Variants in PCDH15 observed in about 807,000 individuals in gnomAD.
The protein encoded by PCDH15 is protocadherin related 15.
A neutral mutation model predicts 178.5 loss-of-function variants in PCDH15; 129 were observed. The ratio of observed to expected loss-of-function variants is 0.72; its 90% CI spans 0.63 to 0.84. The LOEUF (loss-of-function observed/expected upper bound fraction) is 0.84. Among genes scored for constraint, PCDH15 ranks in the 40% least tolerant of loss-of-function variants. The probability of loss-of-function intolerance (pLI) is 0.00; values close to 1 mark genes in which losing one functional copy is unlikely to be tolerated. For synonymous variants in PCDH15, 800 were observed against 732.0 expected, an observed-to-expected ratio of 1.09 and a Z score of -1.50; for missense variants, 2,230 against 2,099.9, an observed-to-expected ratio of 1.06 and a Z score of -1.21.
intron 3 of PCDH15, among the ~76,000 whole-genome samples, chr10:54,827,049 T>C (rs1444288348): frequency 6.6e-6 from 1 of 152,084 alleles, no homozygotes; most frequent in Non-Finnish European, 1.5e-5. Flanking sequence ...GCCAGGAACC[T>C]GGTTCCAAGT....
intron 27 of PCDH15, among the ~76,000 whole-genome samples, chr10:53,860,394 A>T (rs1435063421): frequency 6.6e-6 from 1 of 152,112 alleles, no homozygotes; most frequent in Non-Finnish European, 1.5e-5. Context: ...AATTTGAAGG[A>T]TAGTCACTGC....
At position 54,062,535 on chromosome 10, in the gene PCDH15, T is replaced by C. The variant is rs189382886; in HGVS notation, c.2220+4222A>G. ...AAATTCCATCCTATAAACATTACAC[T>C]GTGCAGAATCAGTTAGATGCAGCCT... On this transcript the variant is annotated intron_variant, in intron 18 of 37. Transcript: ENST00000644397. 2.4e-4 allele frequency among the ~76,000 whole-genome samples: 36 copies of C among 152,274 alleles called. No individual in the cohort carries two copies. The East Asian group carries it at 6.9e-3, about 29-fold the overall frequency.
chr10:53,962,780 T>C (rs774414838), intron 21 of PCDH15, among the ~76,000 whole-genome samples: 11 of 152,204 alleles, frequency 7.2e-5, no homozygotes, highest in Non-Finnish European at 1.3e-4. Context: ...ATCAAAGTGA[T>C]TGTAAAGGAA....
intron 19 of PCDH15, 95 bp from the exon 20 acceptor site, chr10:54,020,511 T>C: frequency 1.7e-6 from 2 of 1,197,960 alleles, no homozygotes; most frequent in Non-Finnish European, 2.5e-6. Flanking sequence ...TAGGACAGCA[T>C]CAATTTAACG....
intron 2 of PCDH15, among the ~76,000 whole-genome samples, chr10:54,938,536 G>T (rs1265857658): frequency 6.6e-6 from 1 of 152,050 alleles, no homozygotes; most frequent in African/African-American, 2.4e-5. Context: ...CATAATTTAT[G>T]AAGTAAGGCA....
chr10:55,393,087 TC>T (rs1364692976), intron 2 of PCDH15, among the ~76,000 whole-genome samples: 1 of 152,062 alleles, frequency 6.6e-6, no homozygotes, highest in Non-Finnish European at 1.5e-5. Context: ...TCAGAGATCA[TC>T]TTGAATACTG....
intron 2 of PCDH15, among the ~76,000 whole-genome samples, chr10:54,644,734 T>C (rs931162642): frequency 2.6e-5 from 4 of 152,172 alleles, no homozygotes; most frequent in Non-Finnish European, 5.9e-5. Context: ...TTTCAATATT[T>C]GCATCTCACT....
chr10:54,173,213 C>G (rs1005841476), intron 13 of PCDH15, among the ~76,000 whole-genome samples: 1 of 152,076 alleles, frequency 6.6e-6, no homozygotes, highest in African/African-American at 2.4e-5. Flanking sequence ...TATTATAAAA[C>G]CAAAATATAA....
At chr10:53,952,119 T>C (rs1268524234) in intron 23 of PCDH15, among the ~76,000 whole-genome samples, 1 of 152,190 alleles carries the variant, frequency 6.6e-6, no homozygotes, top group African/African-American at 2.4e-5. Flanking sequence ...CTGGGATCCC[T>C]GAAGGGCCAC....
Position 55,381,144 on chromosome 10 carries a change from A to C in PCDH15, c.-155-214493T>G, listed in dbSNP as rs147282157. Among the ~76,000 whole-genome samples the C allele has an allele frequency of 3.7e-3, 570 of 152,266 alleles. 4 individuals carry two copies. Among genetic ancestry groups the C allele is most frequent in the African/African-American group, 0.011 (474 of 41,562 alleles). Reference sequence around the variant, plus strand: ...TACTCTCCTCCAGGCAGGAGCAGAAAAGTGAGCTCCTATGACAATAAAGAC... The same window carrying C: ...TACTCTCCTCCAGGCAGGAGCAGAACAGTGAGCTCCTATGACAATAAAGAC... On this transcript the variant is annotated intron_variant, in intron 2 of 5. Transcript: ENST00000613346.
In PCDH15 at chr10:54,224,329, G is replaced by A. The variant is rs1340151994; in HGVS notation, c.986-10281C>T. On this transcript the variant is annotated intron_variant, in intron 9 of 37. Transcript: ENST00000644397. ...AACCTTTTAATGAACCATGAATGCT[G>A]GATACCCTGCAGAAGCCAAGGTATT... Among the ~76,000 whole-genome samples the A allele has an allele frequency of 3.3e-5, 5 of 152,002 alleles. No homozygotes were observed. The East Asian group carries it at 9.6e-4, about 29-fold the overall frequency.
intron 37 of PCDH15, chr10:53,809,106 T>C: frequency 6.2e-7 from 1 of 1,613,856 alleles, no homozygotes; most frequent in Non-Finnish European, 8.5e-7. Flanking sequence ...CTTCTGACTC[T>C]GTGGATTCCG....
chr10:54,939,356 G>T (rs533388446), intron 2 of PCDH15, among the ~76,000 whole-genome samples: 1 of 151,372 alleles, frequency 6.6e-6, no homozygotes, highest in Admixed American at 6.6e-5. Flanking sequence ...TTAGCCGGGC[G>T]TGGTGGCGGG....
In PCDH15 at chr10:54,599,912, G is replaced by T. The variant is rs1446367729; in HGVS notation, c.91+64260C>A. 1.3e-5 allele frequency: 10 copies of T among 774,866 alleles called. No individual in the cohort carries two copies. In the East Asian group the frequency reaches 2.9e-4, roughly 22 times the overall value. The allele number at this position is 774,866 out of a possible 1,614,324, so 48.0% of individuals were successfully genotyped here. A position where few individuals can be genotyped will look rare whatever the true frequency, so the allele number is the denominator to read the frequency against. On this transcript the variant is annotated intron_variant, in intron 2 of 37. Transcript: ENST00000644397. The stretch of plus-strand genomic sequence containing the variant: ...GAGGAAAAGAAAGTTGAGGAAAAGA[G>T]TGAGGAAGTGGCCACTAAGGAGGAG...
chr10:53,876,039 T>C (rs956942620), intron 26 of PCDH15, among the ~76,000 whole-genome samples: 1 of 152,152 alleles, frequency 6.6e-6, no homozygotes, highest in Non-Finnish European at 1.5e-5. Context: ...TACCCTGAAA[T>C]AGAGTGAAAG....
chr10:55,186,122 T>C (rs1476234679), intron 1 of PCDH15, among the ~76,000 whole-genome samples: 1 of 151,522 alleles, frequency 6.6e-6, no homozygotes, highest in Non-Finnish European at 1.5e-5. Flanking sequence ...CCTATTTGAG[T>C]AAATAAATTA....
intron 1 of PCDH15, among the ~76,000 whole-genome samples, chr10:55,169,647 A>G (rs1256582607): frequency 6.6e-6 from 1 of 152,194 alleles, no homozygotes; most frequent in Non-Finnish European, 1.5e-5. Flanking sequence ...AGCCATAATT[A>G]AACACTAGAG....
chr10:55,352,705 G>T (rs1035711556), intron 2 of PCDH15, among the ~76,000 whole-genome samples: 1 of 152,058 alleles, frequency 6.6e-6, no homozygotes, highest in Non-Finnish European at 1.5e-5. Context: ...GCAAAAGTAA[G>T]GCTCCATTTC....
At chr10:55,345,770 A>G (rs1844736948) in intron 2 of PCDH15, among the ~76,000 whole-genome samples, 1 of 143,512 alleles carries the variant, frequency 7.0e-6, no homozygotes, top group Non-Finnish European at 1.6e-5. Flanking sequence ...ATATTCTTAT[A>G]CACTCTACTG....
Sources: allele counts gnomAD v4.1 joint callset (sites outside exome capture counted in the v4.1 genomes callset), GRCh38; gene constraint gnomAD v4.1.1; transcripts MANE v1.5; gene names NCBI Gene and HGNC (gene_info 2026-07-23, HGNC 2026-07-21).